SIRPA: variants seen among roughly 807,000 people sequenced by gnomAD.
SIRPA encodes the protein tyrosine-protein phosphatase non-receptor type substrate 1.
Under a neutral mutation model 50.3 loss-of-function variants are expected in SIRPA, and 9 were observed. The ratio of observed to expected loss-of-function variants is 0.18; its 90% CI spans 0.11 to 0.31. The LOEUF (loss-of-function observed/expected upper bound fraction) is 0.31, where lower values mean the gene tolerates loss of function less well. Ranked by LOEUF, SIRPA falls within the 10% of genes least tolerant of loss-of-function variation. The pLI is 1.00. For synonymous variants in SIRPA, 265 were observed against 284.1 expected, an observed-to-expected ratio of 0.93 and a Z score of 0.68; for missense variants, 474 against 661.6, an observed-to-expected ratio of 0.72 and a Z score of 3.11.
chr20:1,925,999 G>A (rs555102173), intron 5 of SIRPA, among the ~76,000 whole-genome samples: 2 of 152,108 alleles, frequency 1.3e-5, no homozygotes, highest in African/African-American at 2.4e-5. Flanking sequence ...GTGACCCACC[G>A]CCTCCAAAGG....
rs759597616 is a variant in SIRPA at position 1,895,533 on chromosome 20, A to AC, written c.79+14dup. 85 of 1,442,284 alleles carry AC rather than the reference A, an allele frequency of 5.9e-5. No homozygotes were observed. The Middle Eastern group carries it at 1.1e-3, about 19-fold the overall frequency. 89.3% of individuals were successfully genotyped at this position (1,442,284 alleles called of 1,614,324 possible). A position where few individuals can be genotyped will look rare whatever the true frequency, so the allele number is the denominator to read the frequency against. On this transcript the variant is annotated splice_region_variant and intron_variant, in intron 1 of 7. Coordinates refer to ENST00000358771, the MANE Select transcript of SIRPA (RefSeq NM_001040023.2). Reference sequence around the variant, plus strand: ...GCGTCCTGCGCCTGGTCAGGTAAGCACCCCCCCGCTCCCCACCGCTGCACT... The same window carrying AC: ...GCGTCCTGCGCCTGGTCAGGTAAGCACCCCCCCCGCTCCCCACCGCTGCACT...
chr20:1,910,584 A>G (rs1311339915), intron 1 of SIRPA, among the ~76,000 whole-genome samples: 3 of 152,220 alleles, frequency 2.0e-5, no homozygotes, highest in African/African-American at 7.2e-5. Flanking sequence ...CCACAGTAGC[A>G]GGAGCTGGGG....
chr20:1,899,435 C>G (rs1302613570), intron 1 of SIRPA, among the ~76,000 whole-genome samples: 1 of 152,170 alleles, frequency 6.6e-6, no homozygotes, highest in Admixed American at 6.5e-5. Context: ...CACATTTACT[C>G]CAGTGTTCCC....
At chr20:1,902,306 C>G (rs1984265852) in intron 1 of SIRPA, among the ~76,000 whole-genome samples, 2 of 152,040 alleles carry the variant, frequency 1.3e-5, no homozygotes, top group Admixed American at 1.3e-4. Context: ...ACAGTATGGC[C>G]CTTCATCCCC....
intron 1 of SIRPA, among the ~76,000 whole-genome samples, chr20:1,910,374 G>A (rs1984817256): frequency 6.6e-6 from 1 of 151,998 alleles, no homozygotes; most frequent in South Asian, 2.1e-4. Flanking sequence ...ACCAATAAAT[G>A]TTCACTGCAA....
chr20:1,927,359 A>G lies in SIRPA; in HGVS notation c.1202-516A>G, dbSNP rs1986042496. Among the ~76,000 whole-genome samples, 1 of 152,218 alleles carries G rather than the reference A, an allele frequency of 6.6e-6. No individual in the cohort carries two copies. The highest frequency in any genetic ancestry group is 2.4e-5 in the African/African-American group (1 of 41,448). ...CTTTTTTTGGAAAGTGGTGGCATGT[A>G]AATAAATGGATGCTCAGCCCAACCC... On this transcript the variant is annotated intron_variant, in intron 5 of 7. Coordinates refer to ENST00000358771, the MANE Select transcript of SIRPA (RefSeq NM_001040023.2). The surrounding 1 kb of genome is among the most constrained non-coding windows in gnomAD (Gnocchi z 6.5).
intron 1 of SIRPA, among the ~76,000 whole-genome samples, chr20:1,908,225 G>A (rs149588073): frequency 1.6e-4 from 25 of 152,112 alleles, no homozygotes; most frequent in African/African-American, 2.7e-4. Context: ...ACACACTCCC[G>A]AACACAGGCA....
intron 1 of SIRPA, among the ~76,000 whole-genome samples, chr20:1,908,353 C>A (rs1044886247): frequency 2.6e-5 from 4 of 151,992 alleles, no homozygotes; most frequent in African/African-American, 9.7e-5. Flanking sequence ...GTGCCACCCC[C>A]CACACACACC....
chr20:1,897,722 C>T (rs1224542520), intron 1 of SIRPA, among the ~76,000 whole-genome samples: 1 of 150,800 alleles, frequency 6.6e-6, no homozygotes, highest in Non-Finnish European at 1.5e-5. Context: ...CCTGTGTCTT[C>T]ACATGATCAC....
At position 1,927,783 on chromosome 20, in the gene SIRPA, T is replaced by C. The variant is rs1490294045; in HGVS notation, c.1202-92T>C. Reference sequence around the variant, plus strand: ...GTGATTACAGCATTTCCTCTCCATGTCCCTGGAGGCAAACCTTTTGCCAAA... The same window carrying C: ...GTGATTACAGCATTTCCTCTCCATGCCCCTGGAGGCAAACCTTTTGCCAAA... On this transcript the variant is annotated intron_variant, in intron 5 of 7. Transcript: ENST00000358771. This position sits in a 1 kb window ranked among gnomAD's most constrained non-coding sequence, Gnocchi z 6.5. 2 of 1,106,488 alleles carry C rather than the reference T, an allele frequency of 1.8e-6. No homozygotes were observed. The highest frequency in any genetic ancestry group is 2.8e-6 in the Non-Finnish European group (2 of 717,596). The allele number at this position is 1,106,488 out of a possible 1,614,324, so 68.5% of individuals were successfully genotyped here.
chr20:1,896,797 AG>A (rs1303585051), intron 1 of SIRPA, among the ~76,000 whole-genome samples: 2 of 14,462 alleles, frequency 1.4e-4, no homozygotes, highest in East Asian at 1.8e-3. Context: ...CTCCACCCCC[AG>A]TTCTTTTCAG....
Position 1,924,735 on chromosome 20 carries a change from G to T in SIRPA, c.1088-29G>T. 1.3e-6 allele frequency: 2 copies of T among 1,583,124 alleles called. No individual in the cohort carries two copies. Among genetic ancestry groups the T allele is most frequent in the Admixed American group, 1.7e-5 (1 of 59,988 alleles). ...GGTTTTCTGTTTTTAATCTGCATACGTGAAGCCTCTATTCCATGTGGTCCC... is the reference window on the plus strand; with the variant it reads ...GGTTTTCTGTTTTTAATCTGCATACTTGAAGCCTCTATTCCATGTGGTCCC... On this transcript the variant is annotated intron_variant, in intron 4 of 7. Transcript: ENST00000358771. This position sits in a 1 kb window ranked among gnomAD's most constrained non-coding sequence, Gnocchi z 4.5.
upstream of SIRPA, chr20:1,895,174 C>T (rs1983700980): frequency 5.9e-6 from 2 of 337,150 alleles, no homozygotes; most frequent in Non-Finnish European, 1.1e-5. Context: ...CTCTCTCCTG[C>T]CGCCTCTCTC....
At chr20:1,931,881 A>T (rs1986317231) in intron 6 of SIRPA, among the ~76,000 whole-genome samples, 1 of 152,152 alleles carries the variant, frequency 6.6e-6, no homozygotes, top group Admixed American at 6.5e-5. Context: ...CCATTTATTC[A>T]CTTGTCAGAC....
intron 1 of SIRPA, among the ~76,000 whole-genome samples, chr20:1,913,029 C>T (rs1469430837): frequency 6.6e-6 from 1 of 152,224 alleles, no homozygotes; most frequent in Non-Finnish European, 1.5e-5. Flanking sequence ...TTCTGTCTGT[C>T]CACTGTGGGT....
rs6045464 is a variant in SIRPA, at chr20:1,927,070, T to A, written c.1202-805T>A. Among the ~76,000 whole-genome samples the A allele has an allele frequency of 6.6e-6, 1 of 152,098 alleles. No homozygotes were observed. The highest frequency in any genetic ancestry group is 1.5e-5 in the Non-Finnish European group (1 of 68,002). On this transcript the variant is annotated intron_variant, in intron 5 of 7. Coordinates refer to ENST00000358771, the MANE Select transcript of SIRPA (RefSeq NM_001040023.2). The surrounding 1 kb of genome is among the most constrained non-coding windows in gnomAD (Gnocchi z 6.5). ...TTCGGTGCTGAGCACAGCTTCCAAC[T>A]GGTACACCTCATCTAAAGATCCAGG... is the stretch of plus-strand genomic sequence containing the variant.
chr20:1,901,420 C>G (rs1030214567), intron 1 of SIRPA, among the ~76,000 whole-genome samples: 3 of 152,104 alleles, frequency 2.0e-5, no homozygotes, highest in Admixed American at 6.5e-5. Context: ...ATCCTCCCGC[C>G]TCGGCCTCCC....
chr20:1,902,092 A>G (rs748952428), intron 1 of SIRPA, among the ~76,000 whole-genome samples: 3 of 152,214 alleles, frequency 2.0e-5, no homozygotes, highest in Admixed American at 1.3e-4. Context: ...ACATATGCAA[A>G]ATGAGAAGGA....
rs778270694 is a variant in SIRPA at position 1,913,346 on chromosome 20, G to A, written c.80-1753G>A. Among the ~76,000 whole-genome samples the A allele has an allele frequency of 2.4e-4, 37 of 152,320 alleles. No individual in the cohort carries two copies. The Middle Eastern group carries it at 0.01, about 42-fold the overall frequency. ...GGCAGATAGCCCTGGGCTTCCTGCA[G>A]TGAGGGCAGATAGGGGTCTGTGAGC... is the stretch of plus-strand genomic sequence containing the variant. On this transcript the variant is annotated intron_variant, in intron 1 of 7. Coordinates refer to ENST00000358771, the MANE Select transcript of SIRPA (RefSeq NM_001040023.2).
Sources: gnomAD v4.1 joint callset for allele counts (sites outside exome capture counted in the v4.1 genomes callset) on GRCh38, gnomAD v4.1.1 for gene constraint, Gnocchi (gnomAD v3.1) non-coding constraint, MANE v1.5 for transcripts, NCBI Gene and HGNC (gene_info 2026-07-23, HGNC 2026-07-21) for gene names.